Variants in SUMF1 observed in about 807,000 individuals in gnomAD.
SUMF1 encodes formylglycine-generating enzyme.
A neutral mutation model predicts 47.6 loss-of-function variants in SUMF1; 48 were observed. The observed-to-expected ratio is 1.01, with a 90% CI of 0.80 to 1.28. The LOEUF is 1.28. Among genes scored for constraint, SUMF1 ranks in the 50% most tolerant of loss-of-function variants. The pLI is 0.00. For synonymous variants in SUMF1, 230 were observed against 192.1 expected (o/e 1.20, Z -1.63); for missense variants, 571 against 485.4 (o/e 1.18, Z -1.66).
chr3:4,251,911 C>T (rs1696810740), intron 8 of SUMF1, among the ~76,000 whole-genome samples: 1 of 152,098 alleles, frequency 6.6e-6, no homozygotes, highest in Non-Finnish European at 1.5e-5. Flanking sequence ...AGAGATAATG[C>T]TATTTCACAC....
rs771673256 is a variant in SUMF1, at chr3:4,338,503, C to T, written c.1014+37827G>A. Among the ~76,000 whole-genome samples the T allele has an allele frequency of 2.6e-5, 4 of 152,088 alleles. No homozygotes were observed. The East Asian group carries it at 5.8e-4, about 22-fold the overall frequency. ...AACAATTCATTCATTCATTCACAAACGTTTGTCAAGAATCTAGTACATGCT... is the reference window on the plus strand; with the variant it reads ...AACAATTCATTCATTCATTCACAAATGTTTGTCAAGAATCTAGTACATGCT... On this transcript the variant is annotated intron_variant and NMD_transcript_variant, in intron 8 of 12. Coordinates refer to the SUMF1 transcript ENST00000448413.
intron 8 of SUMF1, among the ~76,000 whole-genome samples, chr3:4,317,836 T>C (rs144218767): frequency 2.6e-5 from 4 of 152,344 alleles, no homozygotes; most frequent in African/African-American, 9.6e-5. Flanking sequence ...TGCCTGAGTA[T>C]ATAGAAAGTA....
intron 8 of SUMF1, among the ~76,000 whole-genome samples, chr3:4,303,069 A>C (rs1478403942): frequency 6.6e-6 from 1 of 152,124 alleles, no homozygotes; most frequent in Non-Finnish European, 1.5e-5. Flanking sequence ...AGCCCTCAAA[A>C]ACCTGGACAA....
intron 8 of SUMF1, among the ~76,000 whole-genome samples, chr3:4,146,789 T>C (rs1007951408): frequency 2.6e-5 from 4 of 151,884 alleles, no homozygotes; most frequent in Non-Finnish European, 4.4e-5. Flanking sequence ...ATGCAGTGTT[T>C]GGTTTTTTGT....
chr3:4,159,282 T>TA (rs948022345), intron 8 of SUMF1, among the ~76,000 whole-genome samples: 1 of 150,830 alleles, frequency 6.6e-6, no homozygotes, highest in Non-Finnish European at 1.5e-5. Flanking sequence ...TATTTTTTTT[T>TA]TTATTTTTTG....
At chr3:4,130,400 G>A (rs1200692920) in intron 8 of SUMF1, among the ~76,000 whole-genome samples, 3 of 152,158 alleles carry the variant, frequency 2.0e-5, no homozygotes, top group Non-Finnish European at 4.4e-5. Context: ...TCCTATCTCA[G>A]GGGTATACAA....
At chr3:4,130,516 G>A (rs1693762726) in intron 8 of SUMF1, among the ~76,000 whole-genome samples, 1 of 152,090 alleles carries the variant, frequency 6.6e-6, no homozygotes, top group Non-Finnish European at 1.5e-5. Flanking sequence ...ATGCTGATTG[G>A]ATCCAGTAAG....
At chr3:4,365,915 G>A (rs1481682301) in intron 8 of SUMF1, among the ~76,000 whole-genome samples, 1 of 152,100 alleles carries the variant, frequency 6.6e-6, no homozygotes, top group East Asian at 1.9e-4. Context: ...AGGCCTGGTA[G>A]CAACAAAATC....
At position 4,042,668 on chromosome 3, in the gene SUMF1, C is replaced by T. The variant is rs372439472; in HGVS notation, c.1191+25901G>A. Among the ~76,000 whole-genome samples the T allele has an allele frequency of 6.2e-4, 95 of 152,254 alleles. 2 individuals are homozygous for T. In the South Asian group the frequency reaches 0.019, roughly 31 times the overall value. On this transcript the variant is annotated intron_variant and NMD_transcript_variant, in intron 9 of 12. Coordinates refer to the SUMF1 transcript ENST00000448413. ...ACCTCCCTGAGTACTCATATGGGCA[C>T]AGCAGTCTCATTGCAGTGTATTCTC...
chr3:4,337,183 GTCCC>G (rs112358792), intron 8 of SUMF1, among the ~76,000 whole-genome samples: 41 of 129,302 alleles, frequency 3.2e-4, no homozygotes, highest in African/African-American at 8.3e-4. Flanking sequence ...TCTCTTTTCT[GTCCC>G]TCCCTCCCTC....
At chr3:4,051,169 A>G (rs1695105000) in intron 9 of SUMF1, among the ~76,000 whole-genome samples, 1 of 151,824 alleles carries the variant, frequency 6.6e-6, no homozygotes, top group Non-Finnish European at 1.5e-5. Context: ...AGTGGAAGAA[A>G]GCTCCTAAAA....
chr3:4,451,403 T>C (rs1010383423), intron 2 of SUMF1, among the ~76,000 whole-genome samples: 1 of 152,166 alleles, frequency 6.6e-6, no homozygotes. Flanking sequence ...GGCTCGAGGG[T>C]AGTAAATAAC....
chr3:4,142,776 C>T (rs1418836137), intron 8 of SUMF1, among the ~76,000 whole-genome samples: 1 of 151,884 alleles, frequency 6.6e-6, no homozygotes, highest in Non-Finnish European at 1.5e-5. Flanking sequence ...CACACACCTC[C>T]AAGGTATACA....
intron 1 of SUMF1, among the ~76,000 whole-genome samples, chr3:4,457,663 G>C (rs773772516): frequency 2.3e-4 from 35 of 152,026 alleles, no homozygotes; most frequent in Non-Finnish European, 4.9e-4. Context: ...TTCAATAAAC[G>C]GTATTAGGAA....
At chr3:4,296,301 A>C (rs1697848720) in intron 8 of SUMF1, among the ~76,000 whole-genome samples, 1 of 109,526 alleles carries the variant, frequency 9.1e-6, no homozygotes, top group South Asian at 3.2e-4. Context: ...GAAAGGCAAA[A>C]TAGTTAAAAA....
At chr3:4,401,670 C>T (rs1299744669) in intron 7 of SUMF1, among the ~76,000 whole-genome samples, 2 of 152,214 alleles carry the variant, frequency 1.3e-5, no homozygotes, top group Non-Finnish European at 2.9e-5. Flanking sequence ...ACCCAGGCGA[C>T]TGACCTCACT....
At chr3:4,451,022 C>T (rs963335982) in intron 2 of SUMF1, among the ~76,000 whole-genome samples, 3 of 151,562 alleles carry the variant, frequency 2.0e-5, no homozygotes, top group African/African-American at 7.3e-5. Flanking sequence ...AGCTCCTTGG[C>T]AGTATGGTGA....
At chr3:4,063,374 T>C (rs1248530957) in intron 9 of SUMF1, among the ~76,000 whole-genome samples, 1 of 152,096 alleles carries the variant, frequency 6.6e-6, no homozygotes, top group African/African-American at 2.4e-5. Context: ...GCACACAAAA[T>C]GTTTTTGTGT....
intron 8 of SUMF1, among the ~76,000 whole-genome samples, chr3:4,283,257 A>T (rs749057311): frequency 9.2e-5 from 14 of 152,226 alleles, no homozygotes; most frequent in Admixed American, 5.9e-4. Flanking sequence ...TGTGAAAAGG[A>T]ATTTTCAAAT....
Sources: allele counts gnomAD v4.1 joint callset (sites outside exome capture counted in the v4.1 genomes callset), GRCh38; gene constraint gnomAD v4.1.1; transcripts MANE v1.5; gene names NCBI Gene and HGNC (gene_info 2026-07-23, HGNC 2026-07-21).